Variants in ADGRB3 observed in about 807,000 individuals in gnomAD.
ADGRB3 encodes adhesion G protein-coupled receptor B3.
A neutral mutation model predicts 193.4 loss-of-function variants in ADGRB3; 37 were observed. The observed-to-expected ratio is 0.19, with a 90% CI of 0.15 to 0.25. ADGRB3 has a LOEUF of 0.25. Ranked by LOEUF, ADGRB3 falls within the 10% of genes least tolerant of loss-of-function variation. The pLI is 1.00. For missense variants in ADGRB3, 1,637 were observed against 1,852.9 expected, an observed-to-expected ratio of 0.88 and a Z score of 2.14; for synonymous variants, 690 against 644.2, an observed-to-expected ratio of 1.07 and a Z score of -1.08.
At chr6:68,935,056 C>A (rs1192985371) in intron 4 of ADGRB3, among the ~76,000 whole-genome samples, 1 of 152,116 alleles carries the variant, frequency 6.6e-6, no homozygotes, top group African/African-American at 2.4e-5. Context: ...GTCATCTATG[C>A]CTCTTGGTGC....
chr6:69,125,373 A>T (rs1430041677), intron 17 of ADGRB3, among the ~76,000 whole-genome samples: 2 of 152,090 alleles, frequency 1.3e-5, no homozygotes, highest in Non-Finnish European at 2.9e-5. Flanking sequence ...TGTCCCTCAC[A>T]TTCATATGTT....
At chr6:68,811,443 T>A (rs1162476605) in intron 3 of ADGRB3, among the ~76,000 whole-genome samples, 1 of 152,130 alleles carries the variant, frequency 6.6e-6, no homozygotes, top group African/African-American at 2.4e-5. Context: ...TCAGGCCAAA[T>A]TAATGAGGTA....
chr6:68,789,885 C>T (rs1005516252), intron 3 of ADGRB3, among the ~76,000 whole-genome samples: 16 of 152,130 alleles, frequency 1.1e-4, no homozygotes, highest in Admixed American at 2.6e-4. Context: ...CTTCTCTTCT[C>T]GCTGCATTTC....
At chr6:69,210,379 A>G (rs896112882) in intron 17 of ADGRB3, among the ~76,000 whole-genome samples, 1 of 151,550 alleles carries the variant, frequency 6.6e-6, no homozygotes, top group Admixed American at 6.6e-5. Context: ...CCTACTTCAT[A>G]TTCTAGCTGT....
chr6:69,375,481 A>G (rs1769796626), intron 30 of ADGRB3, among the ~76,000 whole-genome samples: 1 of 151,868 alleles, frequency 6.6e-6, no homozygotes, highest in African/African-American at 2.4e-5. Context: ...AAAAAAGAAG[A>G]CTCTTCAGTT....
intron 20 of ADGRB3, among the ~76,000 whole-genome samples, chr6:69,273,254 T>G (rs1206209656): frequency 6.6e-6 from 1 of 152,164 alleles, no homozygotes; most frequent in Non-Finnish European, 1.5e-5. Flanking sequence ...GAGTGTTAGT[T>G]CTAGTAGGGT....
intron 3 of ADGRB3, among the ~76,000 whole-genome samples, chr6:68,790,292 G>A (rs1195650390): frequency 6.6e-6 from 1 of 152,130 alleles, no homozygotes; most frequent in Non-Finnish European, 1.5e-5. Flanking sequence ...TGAGTTAGTT[G>A]TTTGTTTAGG....
chr6:69,238,184 G>T (rs1464050728), intron 19 of ADGRB3, among the ~76,000 whole-genome samples: 1 of 151,998 alleles, frequency 6.6e-6, no homozygotes, highest in East Asian at 1.9e-4. Flanking sequence ...GTCTAATGCT[G>T]CATAGAAAAG....
At chr6:69,383,866 T>C (rs1770005470) in intron 31 of ADGRB3, among the ~76,000 whole-genome samples, 1 of 151,980 alleles carries the variant, frequency 6.6e-6, no homozygotes, top group Non-Finnish European at 1.5e-5. Flanking sequence ...TTTCTTTGCC[T>C]CATACTCTTT....
intron 17 of ADGRB3, among the ~76,000 whole-genome samples, chr6:69,177,744 T>C (rs1775466181): frequency 6.6e-6 from 1 of 152,256 alleles, no homozygotes; most frequent in African/African-American, 2.4e-5. Context: ...TAGTGTGTTT[T>C]TGAAATAACT....
At chr6:69,172,727 G>A (rs1420806819) in intron 17 of ADGRB3, among the ~76,000 whole-genome samples, 3 of 149,006 alleles carry the variant, frequency 2.0e-5, no homozygotes, top group Admixed American at 6.7e-5. Context: ...GAGACTTCTT[G>A]TTAGAGACAG....
intron 3 of ADGRB3, among the ~76,000 whole-genome samples, chr6:68,715,903 C>T (rs1765481502): frequency 1.3e-5 from 2 of 151,690 alleles, no homozygotes; most frequent in Admixed American, 1.3e-4. Flanking sequence ...GGAACCACTA[C>T]ACTCTTTCTT....
chr6:68,824,241 A>G lies in ADGRB3; in HGVS notation c.758-106318A>G, dbSNP rs1582231688. On this transcript the variant is annotated intron_variant, in intron 3 of 31. Coordinates refer to ENST00000370598, the MANE Select transcript of ADGRB3 (RefSeq NM_001704.3). ...TAAACTTTTATTTCTATTTCTTTAT[A>G]TCTCTGTGAAGAGTTTTGATTTAGT... 3.4e-5 allele frequency among the ~76,000 whole-genome samples: 4 copies of G among 117,406 alleles called. No individual in the cohort carries two copies. The South Asian group carries it at 1.1e-3, about 31-fold the overall frequency. 77.0% of individuals were successfully genotyped at this position (117,406 alleles called of 152,430 possible). A position where few individuals can be genotyped will look rare whatever the true frequency, so the allele number is the denominator to read the frequency against.
At chr6:68,744,063 G>A (rs112960658) in intron 3 of ADGRB3, among the ~76,000 whole-genome samples, 1 of 152,030 alleles carries the variant, frequency 6.6e-6, no homozygotes. Flanking sequence ...ATGGGTAAAA[G>A]GTTTGTACAT....
At chr6:68,887,901 TG>T (rs1765954334) in intron 3 of ADGRB3, among the ~76,000 whole-genome samples, 2 of 152,170 alleles carry the variant, frequency 1.3e-5, no homozygotes, top group Admixed American at 1.3e-4. Flanking sequence ...AAGTTCGTTA[TG>T]AACAATCATA....
intron 3 of ADGRB3, among the ~76,000 whole-genome samples, chr6:68,862,184 T>A (rs1765176012): frequency 6.9e-6 from 1 of 144,234 alleles, no homozygotes; most frequent in Admixed American, 7.4e-5. Context: ...GCATAAAGAC[T>A]CACCATTACT....
At chr6:68,934,224 T>G (rs531499783) in intron 4 of ADGRB3, among the ~76,000 whole-genome samples, 1 of 152,256 alleles carries the variant, frequency 6.6e-6, no homozygotes, top group African/African-American at 2.4e-5. Context: ...AGCCAATGTT[T>G]TATTTATTTA....
At chr6:69,266,954 G>A (rs562661827) in intron 20 of ADGRB3, among the ~76,000 whole-genome samples, 72 of 152,102 alleles carry the variant, frequency 4.7e-4, no homozygotes, top group African/African-American at 1.6e-3. Context: ...TAATTGCTCC[G>A]CAGTGTCCTT....
At chr6:68,805,638 G>A (rs1271074278) in intron 3 of ADGRB3, among the ~76,000 whole-genome samples, 1 of 152,164 alleles carries the variant, frequency 6.6e-6, no homozygotes, top group Non-Finnish European at 1.5e-5. Flanking sequence ...GAGGGTGTGT[G>A]GAGCCTGCAT....
Sources: allele counts gnomAD v4.1 joint callset (sites outside exome capture counted in the v4.1 genomes callset), GRCh38; gene constraint gnomAD v4.1.1; transcripts MANE v1.5; gene names NCBI Gene and HGNC (gene_info 2026-07-23, HGNC 2026-07-21).